Variants in GALNT9 observed in about 807,000 individuals in gnomAD.
GALNT9 encodes GalNAc transferase 9.
A neutral mutation model predicts 63.1 loss-of-function variants in GALNT9; 47 were observed. The ratio of observed to expected loss-of-function variants is 0.75; its 90% CI spans 0.59 to 0.95. The LOEUF (loss-of-function observed/expected upper bound fraction) is 0.95, where lower values mean the gene tolerates loss of function less well. GALNT9 is among the 40% of genes least tolerant of loss of function. GALNT9 has a pLI of 0.00. For missense variants in GALNT9, 829 were observed against 874.8 expected (o/e 0.95, Z 0.66); for synonymous variants, 396 against 365.7 (o/e 1.08, Z -0.94).
chr12:132,215,112 C>A (rs1414354329), intron 6 of GALNT9, among the ~76,000 whole-genome samples: 2 of 152,226 alleles, frequency 1.3e-5, no homozygotes, highest in African/African-American at 4.8e-5. Context: ...GCGACACAAT[C>A]GCTGTTGGTT....
chr12:132,273,747 C>T (rs28409933), intron 2 of GALNT9: 12,171 of 152,326 alleles, frequency 0.08, 1,581 homozygotes, highest in African/African-American at 0.28. Context: ...AGCAAGATCA[C>T]GGCACCCAGG....
intron 6 of GALNT9, among the ~76,000 whole-genome samples, chr12:132,243,356 A>C (rs1238976966): frequency 1.0e-5 from 1 of 97,336 alleles, no homozygotes; most frequent in South Asian, 4.4e-4. Context: ...CAGGGCCCCC[A>C]GTGGCCTCAG....
At chr12:132,240,907 C>T (rs199899624) in intron 6 of GALNT9, among the ~76,000 whole-genome samples, 1 of 92,222 alleles carries the variant, frequency 1.1e-5, no homozygotes, top group African/African-American at 4.3e-5. Flanking sequence ...ACACCCTTCC[C>T]GGGGCCCTCC....
chr12:132,226,176 CACACCCCACACACAT>C lies in GALNT9; in HGVS notation c.1077+21719_1077+21733del, dbSNP rs1201213023. ...ACATACACCCCATACACACCATATA[CACACCCCACACACAT>C]ACACCCCACACTGTACATACACAAC... On this transcript the variant is annotated intron_variant, in intron 6 of 10. Coordinates refer to ENST00000328957, the MANE Select transcript of GALNT9 (RefSeq NM_001122636.2). Among the ~76,000 whole-genome samples, 6 of 144,514 alleles carry C rather than the reference CACACCCCACACACAT, an allele frequency of 4.2e-5. No individual in the cohort carries two copies. The South Asian group carries it at 6.7e-4, about 16-fold the overall frequency. 94.8% of individuals were successfully genotyped at this position (144,514 alleles called of 152,430 possible). A position where few individuals can be genotyped will look rare whatever the true frequency, so the allele number is the denominator to read the frequency against.
chr12:132,299,393 C>T (rs1881207099), intron 1 of GALNT9, among the ~76,000 whole-genome samples: 3 of 135,196 alleles, frequency 2.2e-5, no homozygotes, highest in Non-Finnish European at 3.2e-5. Flanking sequence ...CCTAACCCAT[C>T]CCTGAGATGA....
rs1201692138 is a variant in GALNT9 at position 132,238,998 on chromosome 12, G to A, written c.1077+8912C>T. On this transcript the variant is annotated intron_variant, in intron 6 of 10. Transcript: ENST00000328957. The surrounding 1 kb of genome is among the most constrained non-coding windows in gnomAD (Gnocchi z 6.5). Reference sequence around the variant, plus strand: ...TGGAAGGCTTTGTCGTCTGATGGCCGCTCGAAAGGTGAGACTGTTCAGCAT... The same window carrying A: ...TGGAAGGCTTTGTCGTCTGATGGCCACTCGAAAGGTGAGACTGTTCAGCAT... 2.6e-5 allele frequency among the ~76,000 whole-genome samples: 4 copies of A among 152,192 alleles called. No homozygotes were observed. Among genetic ancestry groups the A allele is most frequent in the Non-Finnish European group, 5.9e-5 (4 of 68,028 alleles).
rs555297900 is a variant in GALNT9, at chr12:132,270,694, A to G, written c.420-8069T>C. Among the ~76,000 whole-genome samples, 4 of 152,274 alleles carry G rather than the reference A, an allele frequency of 2.6e-5. No homozygotes were observed. In the East Asian group the frequency reaches 5.8e-4, roughly 22 times the overall value. Reference sequence around the variant, plus strand: ...CGACCACACAGCCACAGCCATGGCCACAGCCACAGCCACGGACACGGCCAC... The same window carrying G: ...CGACCACACAGCCACAGCCATGGCCGCAGCCACAGCCACGGACACGGCCAC... On this transcript the variant is annotated intron_variant, in intron 2 of 10. Coordinates refer to ENST00000328957, the MANE Select transcript of GALNT9 (RefSeq NM_001122636.2).
At chr12:132,323,010 C>T (rs1317607661) in intron 1 of GALNT9, among the ~76,000 whole-genome samples, 2 of 152,192 alleles carry the variant, frequency 1.3e-5, no homozygotes, top group South Asian at 2.1e-4. Flanking sequence ...CCTCCTCCAG[C>T]GCCTCCCGGC....
At chr12:132,266,928 T>C (rs1200074246) in intron 2 of GALNT9, among the ~76,000 whole-genome samples, 1 of 151,944 alleles carries the variant, frequency 6.6e-6, no homozygotes, top group Admixed American at 6.6e-5. Flanking sequence ...GGGTCTCCCT[T>C]GGCTGGGGGC....
At chr12:132,198,443 G>GCTGGGGCTGGGGCTGGGC (rs1311991668) in intron 9 of GALNT9, among the ~76,000 whole-genome samples, 2,031 of 99,354 alleles carry the variant, frequency 0.02, 40 homozygotes, top group East Asian at 0.11. Flanking sequence ...TGGGGCTGGG[G>GCTGGGGCTGGGGCTGGGC]CTGGGCCTGG....
At chr12:132,268,054 T>A (rs1335583331) in intron 2 of GALNT9, among the ~76,000 whole-genome samples, 2 of 143,820 alleles carry the variant, frequency 1.4e-5, no homozygotes, top group Non-Finnish European at 3.0e-5. Flanking sequence ...CAAACCCACA[T>A]GTGGTCACAC....
intron 6 of GALNT9, among the ~76,000 whole-genome samples, chr12:132,220,543 A>G (rs1184297236): frequency 6.6e-6 from 1 of 152,242 alleles, no homozygotes; most frequent in Non-Finnish European, 1.5e-5. Context: ...TGAGAAACCA[A>G]GGCTAAGCAA....
chr12:132,206,625 C>T (rs1212442101), intron 6 of GALNT9, among the ~76,000 whole-genome samples: 4 of 145,390 alleles, frequency 2.8e-5, no homozygotes, highest in Non-Finnish European at 4.5e-5. Flanking sequence ...GCAGCCTGGG[C>T]GACAGAGCGA....
At chr12:132,199,882 G>A (rs558606830) in intron 8 of GALNT9, among the ~76,000 whole-genome samples, 52 of 152,092 alleles carry the variant, frequency 3.4e-4, no homozygotes, top group African/African-American at 1.2e-3. Flanking sequence ...TTTGTCCACC[G>A]CGTCTCCAGG....
chr12:132,267,779 ACG>A (rs782551454), intron 2 of GALNT9, among the ~76,000 whole-genome samples: 10 of 120,348 alleles, frequency 8.3e-5, no homozygotes, highest in Non-Finnish European at 1.5e-4. Flanking sequence ...ACTCACACAC[ACG>A]CACACACACG....
chr12:132,307,649 T>C (rs1300357976), intron 1 of GALNT9, among the ~76,000 whole-genome samples: 4 of 144,042 alleles, frequency 2.8e-5, no homozygotes, highest in African/African-American at 1.0e-4. Context: ...CTGACCAACA[T>C]GATGAAACCT....
At chr12:132,235,363 CTGTG>C (rs1877964773) in intron 6 of GALNT9, among the ~76,000 whole-genome samples, 1 of 152,106 alleles carries the variant, frequency 6.6e-6, no homozygotes, top group African/African-American at 2.4e-5. Context: ...TCCAAACAAA[CTGTG>C]TGGGGTAGAG....
chr12:132,298,480 C>T (rs891671302), intron 1 of GALNT9, among the ~76,000 whole-genome samples: 8 of 151,204 alleles, frequency 5.3e-5, no homozygotes, highest in Non-Finnish European at 1.2e-4. Context: ...CCGAGATAAC[C>T]AAACCACTCC....
intron 6 of GALNT9, among the ~76,000 whole-genome samples, chr12:132,239,015 G>C (rs1878104135): frequency 6.6e-6 from 1 of 152,168 alleles, no homozygotes. Flanking sequence ...AGGTGAGACT[G>C]TTCAGCATCA....
Sources: gnomAD v4.1 joint callset for allele counts (sites outside exome capture counted in the v4.1 genomes callset) on GRCh38, gnomAD v4.1.1 for gene constraint, Gnocchi (gnomAD v3.1) non-coding constraint, MANE v1.5 for transcripts, NCBI Gene and HGNC (gene_info 2026-07-23, HGNC 2026-07-21) for gene names.